TTC4: variants seen among roughly 807,000 people sequenced by gnomAD.
TTC4 encodes the protein hsp70/Hsp90 co-chaperone CNS1 homolog.
TTC4 carries 36 observed loss-of-function variants against 51.9 expected under a neutral mutation model. The observed-to-expected ratio is 0.69, with a 90% CI of 0.53 to 0.92. TTC4 has a LOEUF of 0.92. TTC4 is among the 40% of genes least tolerant of loss of function. The pLI is 0.00. For synonymous variants in TTC4, 144 were observed against 164.2 expected (o/e 0.88, Z 0.94); for missense variants, 399 against 454.6 (o/e 0.88, Z 1.11).
chr1:54,716,531 A>G (rs1645678157), intron 1 of TTC4, 69 bp from the exon 2 acceptor site: 5 of 1,262,710 alleles, frequency 4.0e-6, no homozygotes, highest in Non-Finnish European at 5.6e-6. Flanking sequence ...AACTTTGGTA[A>G]TGAGTCATGG....
chr1:54,724,687 CAAAG>C (rs1221298659), intron 5 of TTC4, among the ~76,000 whole-genome samples: 2 of 152,046 alleles, frequency 1.3e-5, no homozygotes, highest in Non-Finnish European at 2.9e-5. Context: ...CTTGACAACT[CAAAG>C]AAGGAAGAGA....
intron 8 of TTC4, among the ~76,000 whole-genome samples, chr1:54,733,954 C>A (rs1028084317): frequency 3.3e-5 from 5 of 152,174 alleles, no homozygotes; most frequent in African/African-American, 1.2e-4. Context: ...CAAATTGAAA[C>A]TCTAAGTACT....
At chr1:54,729,074 A>C (rs1645834899) in intron 6 of TTC4, among the ~76,000 whole-genome samples, 2 of 152,214 alleles carry the variant, frequency 1.3e-5, no homozygotes, top group African/African-American at 2.4e-5. Flanking sequence ...CTTATTAAGT[A>C]AAATGAGTGT....
Position 54,741,540 on chromosome 1 carries a change from C to G in TTC4, c.*27C>G. The G allele has an allele frequency of 6.3e-7, 1 of 1,578,166 alleles. No individual in the cohort carries two copies. Among genetic ancestry groups the G allele is most frequent in the Non-Finnish European group, 8.7e-7 (1 of 1,147,614 alleles). On this transcript the variant is annotated 3_prime_UTR_variant, in exon 10 of 10. Transcript: ENST00000371281. ...TAAGCCAGGGCCCCTGGATCTCCTC[C>G]CTTACCCTCCTCTGCTGGGAACCTA...
At chr1:54,728,286 T>C in intron 5 of TTC4, 60 bp from the exon 6 acceptor site, 1 of 1,468,506 alleles carries the variant, frequency 6.8e-7, no homozygotes, top group Non-Finnish European at 9.4e-7. Flanking sequence ...AGGAGCAGGC[T>C]AGTGCAATAG....
chr1:54,734,965 T>C (rs193180938), intron 8 of TTC4, among the ~76,000 whole-genome samples: 199 of 152,288 alleles, frequency 1.3e-3, no homozygotes, highest in African/African-American at 4.7e-3. Context: ...ACAAATTCTT[T>C]ATAGCAAAAG....
chr1:54,740,266 T>C (rs1035178856), intron 9 of TTC4, among the ~76,000 whole-genome samples: 1 of 152,072 alleles, frequency 6.6e-6, no homozygotes, highest in African/African-American at 2.4e-5. Flanking sequence ...ATTAGAGGTT[T>C]AGGAGGTAGA....
At chr1:54,716,242 C>G (rs1645674258) in intron 1 of TTC4, 1 of 568,326 alleles carries the variant, frequency 1.8e-6, no homozygotes, top group East Asian at 3.0e-5. Flanking sequence ...TTAACTGGCT[C>G]TGATATGAGT....
intron 2 of TTC4, 73 bp downstream of exon 2, chr1:54,716,790 G>C: frequency 8.2e-7 from 1 of 1,218,216 alleles, no homozygotes. Flanking sequence ...GAAGCGTTCT[G>C]ATTGATAACA....
At chr1:54,737,388 T>C in intron 8 of TTC4, 194 bp from the exon 9 acceptor site, 2 of 545,556 alleles carry the variant, frequency 3.7e-6, no homozygotes. Context: ...CTTTGGAAGA[T>C]GGAACTGATA....
intron 9 of TTC4, among the ~76,000 whole-genome samples, chr1:54,740,739 C>T (rs1428173806): frequency 2.0e-5 from 3 of 152,162 alleles, no homozygotes; most frequent in African/African-American, 7.2e-5. Flanking sequence ...TACAACACCC[C>T]TATCCCTGGG....
intron 5 of TTC4, among the ~76,000 whole-genome samples, chr1:54,727,690 A>C (rs959268835): frequency 2.1e-4 from 27 of 127,612 alleles, no homozygotes; most frequent in Admixed American, 1.1e-3. Flanking sequence ...CATCTCTACA[A>C]AAAAAAAAAA....
At chr1:54,720,452 T>TA (rs781204716) in intron 3 of TTC4, among the ~76,000 whole-genome samples, 47 of 149,832 alleles carry the variant, frequency 3.1e-4, no homozygotes, top group East Asian at 2.8e-3. Flanking sequence ...TTTTTTTTTT[T>TA]AATGCACTTA....
intron 9 of TTC4, among the ~76,000 whole-genome samples, chr1:54,739,462 T>C (rs1350610543): frequency 6.6e-6 from 1 of 152,196 alleles, no homozygotes; most frequent in Admixed American, 6.5e-5. Flanking sequence ...TTCTCAAGTA[T>C]TTGAGAGCCA....
intron 4 of TTC4, among the ~76,000 whole-genome samples, chr1:54,722,270 A>G (rs1407371218): frequency 6.6e-6 from 1 of 152,170 alleles, no homozygotes; most frequent in Non-Finnish European, 1.5e-5. Context: ...CCCTCCATTG[A>G]AAAAATCATC....
At chr1:54,717,081 G>T (rs1044227335) in intron 2 of TTC4, among the ~76,000 whole-genome samples, 3 of 152,240 alleles carry the variant, frequency 2.0e-5, no homozygotes, top group Non-Finnish European at 2.9e-5. Flanking sequence ...CTGAATCTTT[G>T]TAATTTTGTA....
chr1:54,733,776 G>A (rs1485994177), intron 8 of TTC4, 66 bp downstream of exon 8: 14 of 945,816 alleles, frequency 1.5e-5, no homozygotes, highest in Non-Finnish European at 2.0e-5. Context: ...TTTTTTTTGC[G>A]GCGGGGGAAG....
intron 7 of TTC4, among the ~76,000 whole-genome samples, chr1:54,732,313 T>C (rs1399909149): frequency 1.6e-4 from 16 of 99,396 alleles, no homozygotes; most frequent in African/African-American, 4.9e-4. Flanking sequence ...AAAGCAAGAC[T>C]CTGTCTCAAA....
chr1:54,737,539 G>A (rs747732768), intron 8 of TTC4, 43 bp from the exon 9 acceptor site: 94 of 1,594,576 alleles, frequency 5.9e-5, no homozygotes, highest in Non-Finnish European at 7.0e-5. Flanking sequence ...TAAGGCTGCC[G>A]AAGCCTTTAT....
Sources: gnomAD v4.1 joint callset for allele counts (sites outside exome capture counted in the v4.1 genomes callset) on GRCh38, gnomAD v4.1.1 for gene constraint, MANE v1.5 for transcripts, NCBI Gene and HGNC (gene_info 2026-07-23, HGNC 2026-07-21) for gene names.